Variants in FAM107B observed in about 807,000 individuals in gnomAD.
FAM107B encodes the protein family with sequence similarity 107 member B.
In FAM107B, 21 loss-of-function variants were observed where a neutral mutation model predicts 31.5. The ratio of observed to expected loss-of-function variants is 0.67; its 90% CI spans 0.47 to 0.96. The LOEUF (loss-of-function observed/expected upper bound fraction) is 0.96. FAM107B is among the 40% of genes least tolerant of loss of function. The pLI, the probability that FAM107B is intolerant of heterozygous loss-of-function variation, is 0.00. For synonymous variants in FAM107B, 157 were observed against 141.5 expected, an observed-to-expected ratio of 1.11 and a Z score of -0.78; for missense variants, 452 against 377.1, an observed-to-expected ratio of 1.20 and a Z score of -1.64.
At chr10:14,595,965 T>C (rs771215431) in intron 2 of FAM107B, among the ~76,000 whole-genome samples, 4 of 152,166 alleles carry the variant, frequency 2.6e-5, no homozygotes, top group African/African-American at 4.8e-5. Context: ...AAGGTCCATC[T>C]CCTGCACGCC....
At chr10:14,766,783 C>T (rs1273481235) in intron 1 of FAM107B, among the ~76,000 whole-genome samples, 1 of 151,192 alleles carries the variant, frequency 6.6e-6, no homozygotes, top group Non-Finnish European at 1.5e-5. Flanking sequence ...AGACCTATAA[C>T]TGGTATGGAG....
At position 14,715,691 on chromosome 10, in the gene FAM107B, C is replaced by T. The variant is rs188774005; in HGVS notation, c.412-48000G>A. 3.7e-3 allele frequency among the ~76,000 whole-genome samples: 560 copies of T among 152,308 alleles called. 5 individuals are homozygous for T. Among genetic ancestry groups the T allele is most frequent in the African/African-American group, 0.013 (521 of 41,566 alleles). ...AAGGTGGAGGAAGGGGGAATTGACT[C>T]GCTCTTCTTGAGCTAGGACATCCAT... On this transcript the variant is annotated intron_variant, in intron 1 of 4. Coordinates refer to ENST00000181796, the MANE Select transcript of FAM107B (RefSeq NM_031453.4).
rs548279214 is a variant in FAM107B at position 14,699,429 on chromosome 10, G to C, written c.412-31738C>G. ...GGGAACGAGAACCAGGGAGCCGATG[G>C]TGTAAGTCCGGGTCCAAGCCCAAAG... is the stretch of plus-strand genomic sequence containing the variant. On this transcript the variant is annotated intron_variant, in intron 1 of 4. Transcript: ENST00000181796. Among the ~76,000 whole-genome samples the C allele has an allele frequency of 4.9e-4, 74 of 152,312 alleles. No homozygotes were observed. In the South Asian group the frequency reaches 0.014, roughly 29 times the overall value.
At chr10:14,650,589 C>T (rs772777020) in intron 2 of FAM107B, among the ~76,000 whole-genome samples, 18 of 152,026 alleles carry the variant, frequency 1.2e-4, no homozygotes, top group Non-Finnish European at 2.1e-4. Context: ...CCCGGCCTCT[C>T]GATACTTATT....
chr10:14,534,351 G>A (rs1847380776), intron 2 of FAM107B, among the ~76,000 whole-genome samples: 1 of 152,110 alleles, frequency 6.6e-6, no homozygotes, highest in Non-Finnish European at 1.5e-5. Flanking sequence ...CTGGGTTCCA[G>A]CTGCTTCTCA....
chr10:14,774,349 AG>A lies in FAM107B; in HGVS notation c.314del (p.Pro105LeufsTer50). On this transcript the variant is annotated frameshift_variant, in exon 1 of 5. Transcript: ENST00000181796. LOFTEE classifies it high-confidence loss of function. The stretch of plus-strand genomic sequence containing the variant: ...CATCCAGGGACCCGGGCACATCTTC[AG>A]GCGTCTCCGCGGGCTGGGCCGCAGT... ...HRTAAQPAET[P>X]EDVPGSLDDG... 6.2e-7 allele frequency: 1 copy of A among 1,614,174 alleles called. No homozygotes were observed. The highest frequency in any genetic ancestry group is 8.5e-7 in the Non-Finnish European group (1 of 1,180,034).
intron 2 of FAM107B, among the ~76,000 whole-genome samples, chr10:14,589,138 T>A (rs1483106178): frequency 6.8e-6 from 1 of 146,098 alleles, no homozygotes; most frequent in Non-Finnish European, 1.5e-5. Context: ...ATAACATCAC[T>A]GCACTACAGC....
chr10:14,590,554 A>G (rs775907114), intron 2 of FAM107B, among the ~76,000 whole-genome samples: 1 of 152,242 alleles, frequency 6.6e-6, no homozygotes, highest in Non-Finnish European at 1.5e-5. Context: ...CTGATGGAGC[A>G]TATGTAAATT....
At chr10:14,595,599 T>C (rs117579742) in intron 2 of FAM107B, among the ~76,000 whole-genome samples, 3,369 of 152,048 alleles carry the variant, frequency 0.022, 57 homozygotes, top group Non-Finnish European at 0.03. Flanking sequence ...CTAATTTTTA[T>C]AATTTTAGTA....
At chr10:14,555,508 G>C (rs994117611) in intron 2 of FAM107B, among the ~76,000 whole-genome samples, 5 of 152,088 alleles carry the variant, frequency 3.3e-5, no homozygotes, top group African/African-American at 1.2e-4. Context: ...CTTTAATCTA[G>C]TTTTATTTTG....
Position 14,674,794 on chromosome 10 carries a change from G to A in FAM107B, c.412-7103C>T, listed in dbSNP as rs565721902. Among the ~76,000 whole-genome samples, 69 of 152,268 alleles carry A rather than the reference G, an allele frequency of 4.5e-4. No individual in the cohort carries two copies. The South Asian group carries it at 0.013, about 30-fold the overall frequency. ...CTGTTGCCCAGGCTGGAGTGCAGTG[G>A]TACAATCTTTACCCACTGCAGCTTC... On this transcript the variant is annotated intron_variant, in intron 1 of 4. Coordinates refer to ENST00000181796, the MANE Select transcript of FAM107B (RefSeq NM_031453.4).
intron 1 of FAM107B, among the ~76,000 whole-genome samples, chr10:14,772,282 A>G (rs2131602217): frequency 6.6e-6 from 1 of 152,008 alleles, no homozygotes; most frequent in Middle Eastern, 3.4e-3. Context: ...TGAACCTGGG[A>G]GGCAGAGGCT....
intron 1 of FAM107B, among the ~76,000 whole-genome samples, chr10:14,670,318 A>T (rs1009229158): frequency 6.6e-6 from 1 of 152,242 alleles, no homozygotes; most frequent in African/African-American, 2.4e-5. Context: ...AATTATCTCA[A>T]ATGTATGTGT....
At chr10:14,702,181 C>T (rs1855414958) in intron 1 of FAM107B, among the ~76,000 whole-genome samples, 1 of 152,222 alleles carries the variant, frequency 6.6e-6, no homozygotes, top group Non-Finnish European at 1.5e-5. Flanking sequence ...TGTTTATGCT[C>T]ATCCACAATA....
intron 2 of FAM107B, among the ~76,000 whole-genome samples, chr10:14,623,011 G>A (rs1045447598): frequency 2.0e-5 from 3 of 152,126 alleles, no homozygotes; most frequent in Non-Finnish European, 4.4e-5. Context: ...CATCCTTCTT[G>A]ACTGATACTA....
intron 2 of FAM107B, among the ~76,000 whole-genome samples, chr10:14,650,338 G>C (rs1853866908): frequency 6.6e-6 from 1 of 151,834 alleles, no homozygotes; most frequent in Admixed American, 6.6e-5. Context: ...TGTCACCCAG[G>C]CTGGAGTGCA....
intron 3 of FAM107B, chr10:14,528,184 T>TTG (rs1564525764): frequency 1.1e-5 from 2 of 180,448 alleles, no homozygotes; most frequent in Non-Finnish European, 2.3e-5. Context: ...GTTTTTTTTT[T>TTG]TTTTTTTTTT....
intron 2 of FAM107B, among the ~76,000 whole-genome samples, chr10:14,574,004 T>G (rs527717752): frequency 2.0e-5 from 3 of 151,832 alleles, no homozygotes; most frequent in Non-Finnish European, 2.9e-5. Flanking sequence ...AATATTTTGG[T>G]GCTCTCAACA....
At chr10:14,580,031 A>G (rs112666243) in intron 2 of FAM107B, among the ~76,000 whole-genome samples, 3,233 of 152,064 alleles carry the variant, frequency 0.021, 62 homozygotes, top group East Asian at 0.09. Context: ...AAAAAAAAAA[A>G]AAAGTCATAC....
Sources: gnomAD v4.1 joint callset for allele counts (sites outside exome capture counted in the v4.1 genomes callset) on GRCh38, gnomAD v4.1.1 for gene constraint, MANE v1.5 for transcripts, NCBI Gene and HGNC (gene_info 2026-07-23, HGNC 2026-07-21) for gene names.